The following ARID4B variants were observed in gnomAD, a reference collection of about 807,000 sequenced individuals.
ARID4B encodes AT-rich interaction domain 4B.
In ARID4B, 26 loss-of-function variants were observed where a neutral mutation model predicts 147.5. The observed-to-expected ratio is 0.18, with a 90% CI of 0.13 to 0.24. The LOEUF (loss-of-function observed/expected upper bound fraction) is 0.24. Among genes scored for constraint, ARID4B ranks in the 10% least tolerant of loss-of-function variants. The probability of loss-of-function intolerance (pLI) is 1.00; values close to 1 mark genes in which losing one functional copy is unlikely to be tolerated. For synonymous variants in ARID4B, 512 were observed against 507.9 expected (o/e 1.01, Z -0.11); for missense variants, 1,179 against 1,511.5 (o/e 0.78, Z 3.65).
chr1:235,224,621 A>G, intron 12 of ARID4B, 82 bp downstream of exon 12: 4 of 1,001,376 alleles, frequency 4.0e-6, no homozygotes, highest in Non-Finnish European at 6.1e-6. Flanking sequence ...AAAGTTCAGT[A>G]AACAAAATTC....
intron 3 of ARID4B, among the ~76,000 whole-genome samples, chr1:235,258,253 A>AC (rs1572095280): frequency 6.6e-6 from 1 of 152,102 alleles, no homozygotes; most frequent in African/African-American, 2.4e-5. Context: ...AATCACTTGA[A>AC]CCAGGGAGGT....
intron 2 of ARID4B, among the ~76,000 whole-genome samples, chr1:235,274,142 G>A (rs1400609555): frequency 6.6e-6 from 1 of 152,076 alleles, no homozygotes; most frequent in Non-Finnish European, 1.5e-5. Flanking sequence ...GGAGGCCAAG[G>A]CAGGTGGATC....
intron 2 of ARID4B, among the ~76,000 whole-genome samples, chr1:235,301,063 T>TTA (rs1558293945): frequency 8.0e-6 from 1 of 124,354 alleles, no homozygotes; most frequent in Non-Finnish European, 1.7e-5. Context: ...TTTTTTTTTT[T>TTA]AGTATACAGA....
chr1:235,301,123 C>T (rs1209678243), intron 2 of ARID4B, among the ~76,000 whole-genome samples: 2 of 141,152 alleles, frequency 1.4e-5, no homozygotes, highest in East Asian at 4.5e-4. Flanking sequence ...TGGGCTCAAA[C>T]AATCTTCCTG....
chr1:235,301,400 G>A (rs187766609), intron 2 of ARID4B, among the ~76,000 whole-genome samples: 49 of 151,806 alleles, frequency 3.2e-4, no homozygotes, highest in East Asian at 2.2e-3. Context: ...TTAGCCAAGC[G>A]TGCTGGCACA....
chr1:235,310,104 A>ACCTT (rs1673940152), intron 2 of ARID4B, among the ~76,000 whole-genome samples: 1 of 151,756 alleles, frequency 6.6e-6, no homozygotes, highest in Non-Finnish European at 1.5e-5. Context: ...TTATCTGCTG[A>ACCTT]CCTTCCCTCC....
chr1:235,249,888 C>T (rs369231615), intron 6 of ARID4B, among the ~76,000 whole-genome samples: 2 of 149,728 alleles, frequency 1.3e-5, no homozygotes, highest in African/African-American at 2.5e-5. Context: ...TGCAGTGAGC[C>T]GAGATCGTGC....
intron 22 of ARID4B, among the ~76,000 whole-genome samples, chr1:235,173,771 A>AATATATATATATATATAT (rs1169414831): frequency 3.1e-5 from 1 of 32,364 alleles, no homozygotes; most frequent in Non-Finnish European, 5.2e-5. Flanking sequence ...AAAAAAAAAA[A>AATATATATATATATATAT]ATATATATAT....
intron 2 of ARID4B, among the ~76,000 whole-genome samples, chr1:235,298,977 T>G (rs929335908): frequency 1.4e-5 from 2 of 146,126 alleles, no homozygotes; most frequent in African/African-American, 2.6e-5. Flanking sequence ...CCCAGCACAG[T>G]GGCATACACC....
At chr1:235,257,321 A>T (rs1453344992) in intron 3 of ARID4B, 96 bp from the exon 4 acceptor site, 3 of 813,930 alleles carry the variant, frequency 3.7e-6, no homozygotes, top group Non-Finnish European at 4.1e-6. Context: ...AGAAATATAA[A>T]ATAATAGCTG....
intron 9 of ARID4B, among the ~76,000 whole-genome samples, chr1:235,232,522 C>G (rs1668304806): frequency 6.6e-6 from 1 of 151,494 alleles, no homozygotes; most frequent in Non-Finnish European, 1.5e-5. Context: ...GGGCAGATCA[C>G]TTGAACTCAG....
intron 2 of ARID4B, among the ~76,000 whole-genome samples, chr1:235,323,380 G>C (rs1391904507): frequency 6.6e-6 from 1 of 151,780 alleles, no homozygotes; most frequent in African/African-American, 2.4e-5. Flanking sequence ...TAAAGATTCT[G>C]GTATATCCAG....
chr1:235,236,838 A>ATATATATATATATATATATGTGTG lies in ARID4B; in HGVS notation c.586-2347_586-2346insCACACATATATATATATATATATA, dbSNP rs1236963554. On this transcript the variant is annotated intron_variant, in intron 8 of 23. Transcript: ENST00000264183. Reference sequence around the variant, plus strand: ...CACAAAACGGTTTTATAAAAAATATATATATATATATATATATATATATAT... The same window carrying ATATATATATATATATATATGTGTG: ...CACAAAACGGTTTTATAAAAAATATATATATATATATATATATATGTGTGTATATATATATATATATATATATAT... 3.2e-4 allele frequency among the ~76,000 whole-genome samples: 9 copies of ATATATATATATATATATATGTGTG among 27,896 alleles called. 1 individual carries two copies. Among genetic ancestry groups the ATATATATATATATATATATGTGTG allele is most frequent in the Admixed American group, 2.2e-3 (4 of 1,812 alleles). 18.3% of individuals were successfully genotyped at this position (27,896 alleles called of 152,430 possible).
chr1:235,213,521 C>T (rs949079367), intron 17 of ARID4B, among the ~76,000 whole-genome samples: 1 of 152,136 alleles, frequency 6.6e-6, no homozygotes, highest in African/African-American at 2.4e-5. Flanking sequence ...TGCTGATCTA[C>T]ATGTAGTACA....
At chr1:235,260,870 G>A in intron 2 of ARID4B, 118 bp from the exon 3 acceptor site, 1 of 658,584 alleles carries the variant, frequency 1.5e-6, no homozygotes, top group Non-Finnish European at 2.5e-6. Context: ...TGAAATGTAT[G>A]TTAACAAGAC....
rs1024193940 is a variant in ARID4B at position 235,186,868 on chromosome 1, A to T, written c.2126-4075T>A. On this transcript the variant is annotated intron_variant, in intron 19 of 23. Coordinates refer to ENST00000264183, the MANE Select transcript of ARID4B (RefSeq NM_016374.6). ...CAACCACCACATTCGGCTAATTTTAATATTTTTATTAGAGACACGGTTTTA... is the reference window on the plus strand; with the variant it reads ...CAACCACCACATTCGGCTAATTTTATTATTTTTATTAGAGACACGGTTTTA... 2.7e-5 allele frequency among the ~76,000 whole-genome samples: 4 copies of T among 149,762 alleles called. No individual in the cohort carries two copies. The Admixed American group carries it at 2.7e-4, about 10-fold the overall frequency.
Position 235,194,143 on chromosome 1 carries a change from C to G in ARID4B, c.1995G>C (p.Leu665Phe). ...GATTTGTCTGAAATGGTGGTTTGGA[C>G]AAGCGCCGAAGTTTACAGTTTTTTG... ...YSPKNCKLRR[L>F]SKPPFQTNPS... is the part of the protein sequence containing the mutation. Residue 665 changes from leucine to phenylalanine, a missense_variant, in exon 19 of 24, where the codon TTG becomes TTC. Physicochemically the swap from Leu to Phe is conservative, Grantham distance 22 (BLOSUM62 0). Coordinates refer to ENST00000264183, the MANE Select transcript of ARID4B (RefSeq NM_016374.6). 1 of 1,613,566 alleles carries G rather than the reference C, an allele frequency of 6.2e-7. No homozygotes were observed. Among genetic ancestry groups the G allele is most frequent in the Non-Finnish European group, 8.5e-7 (1 of 1,179,560 alleles).
In ARID4B at chr1:235,263,556, T is replaced by C. The variant is rs80177762; in HGVS notation, c.7-2804A>G. Among the ~76,000 whole-genome samples, 1,364 of 152,296 alleles carry C rather than the reference T, an allele frequency of 9.0e-3. 21 individuals are homozygous for C. The highest frequency in any genetic ancestry group is 0.032 in the African/African-American group (1,314 of 41,552). ...ATCTTCAACAATATAAAAATCCGTG[T>C]TGACGGGAGAAGGGTATTTATTACT... On this transcript the variant is annotated intron_variant, in intron 2 of 23. Coordinates refer to ENST00000264183, the MANE Select transcript of ARID4B (RefSeq NM_016374.6).
At chr1:235,304,896 C>T (rs1057289691) in intron 2 of ARID4B, among the ~76,000 whole-genome samples, 1 of 152,100 alleles carries the variant, frequency 6.6e-6, no homozygotes, top group Admixed American at 6.6e-5. Flanking sequence ...CATTTTATAG[C>T]GAGGCCTAAG....
Sources: gnomAD v4.1 joint callset for allele counts (sites outside exome capture counted in the v4.1 genomes callset) on GRCh38, gnomAD v4.1.1 for gene constraint, MANE v1.5 for transcripts, NCBI Gene and HGNC (gene_info 2026-07-23, HGNC 2026-07-21) for gene names.